Variants in CCNY observed in about 807,000 individuals in gnomAD.
CCNY encodes the protein cyclin Y.
A neutral mutation model predicts 42.8 loss-of-function variants in CCNY; 19 were observed. The observed-to-expected ratio is 0.44, with a 90% CI of 0.31 to 0.65. The LOEUF (loss-of-function observed/expected upper bound fraction) is 0.65, where lower values mean the gene tolerates loss of function less well. CCNY is among the 30% of genes least tolerant of loss of function. The probability of loss-of-function intolerance (pLI) is 0.07; values close to 1 mark genes in which losing one functional copy is unlikely to be tolerated. For missense variants in CCNY, 370 were observed against 437.3 expected (o/e 0.85, Z 1.37); for synonymous variants, 165 against 162.7 (o/e 1.01, Z -0.11).
chr10:35,571,328 G>A lies in CCNY; in HGVS notation c.*2158G>A, dbSNP rs7908891. ...TTTATTAAACTACTTTAAAAAAATT[G>A]TATAGTCTATTTATTGTATGTATGT... On this transcript the variant is annotated 3_prime_UTR_variant, in exon 10 of 10. Transcript: ENST00000374704. The A allele has an allele frequency of 4.5e-4, 68 of 152,388 alleles. No homozygotes were observed. Among genetic ancestry groups the A allele is most frequent in the African/African-American group, 1.6e-3 (66 of 41,556 alleles). 9.4% of individuals were successfully genotyped at this position (152,388 alleles called of 1,614,324 possible).
chr10:35,430,952 A>G (rs988012385), intron 1 of CCNY, among the ~76,000 whole-genome samples: 1 of 151,930 alleles, frequency 6.6e-6, no homozygotes, highest in Non-Finnish European at 1.5e-5. Context: ...CCCCATCTCT[A>G]CTAAAAATAC....
intron 1 of CCNY, among the ~76,000 whole-genome samples, chr10:35,362,340 T>C (rs1190357498): frequency 6.6e-6 from 1 of 152,182 alleles, no homozygotes; most frequent in Non-Finnish European, 1.5e-5. Flanking sequence ...GACAGTTTCA[T>C]GGAGAGAGAG....
rs182029296 is a variant in CCNY at position 35,373,863 on chromosome 10, C to T, written c.154+36656C>T. ...GAGTCAAAAGTTACACACAGATTTTCAACTCCATGAAGGGGTTGTTTCTCC... is the reference window on the plus strand; with the variant it reads ...GAGTCAAAAGTTACACACAGATTTTTAACTCCATGAAGGGGTTGTTTCTCC... On this transcript the variant is annotated intron_variant, in intron 1 of 9. Transcript: ENST00000374704. 5.0e-3 allele frequency among the ~76,000 whole-genome samples: 759 copies of T among 152,294 alleles called. 6 individuals carry two copies. Among genetic ancestry groups the T allele is most frequent in the Middle Eastern group, 0.01 (3 of 294 alleles).
In CCNY at chr10:35,444,352, A is replaced by G. The variant is rs190726371; in HGVS notation, c.155-39052A>G. 6.8e-3 allele frequency among the ~76,000 whole-genome samples: 1,027 copies of G among 150,470 alleles called. 11 individuals are homozygous for G. Among genetic ancestry groups the G allele is most frequent in the African/African-American group, 0.024 (980 of 40,776 alleles). On this transcript the variant is annotated intron_variant, in intron 1 of 9. Transcript: ENST00000374704. ...AACCTCTGCCCCCCGGGTTCAAGCTATTCTCCTGCCTCAGCCTCCCAAGTA... is the reference window on the plus strand; with the variant it reads ...AACCTCTGCCCCCCGGGTTCAAGCTGTTCTCCTGCCTCAGCCTCCCAAGTA...
At chr10:35,328,884 A>G (rs1370861262) in intron 3 of CCNY, among the ~76,000 whole-genome samples, 5 of 152,234 alleles carry the variant, frequency 3.3e-5, no homozygotes, top group Admixed American at 3.3e-4. Context: ...TGTTCTCAGT[A>G]CTGTGCTACA....
At chr10:35,308,771 T>C (rs1290477125) in intron 3 of CCNY, among the ~76,000 whole-genome samples, 2 of 152,110 alleles carry the variant, frequency 1.3e-5, no homozygotes, top group African/African-American at 4.8e-5. Flanking sequence ...GTAGCAGCCA[T>C]GCGGATGTGA....
At chr10:35,465,938 A>AGAGTGTGTGT in intron 1 of CCNY, among the ~76,000 whole-genome samples, 48 of 81,030 alleles carry the variant, frequency 5.9e-4, no homozygotes, top group African/African-American at 1.9e-3. Context: ...AGAGAGAGAG[A>AGAGTGTGTGT]GTGTGTGTGT....
chr10:35,388,460 G>T (rs1837342654), intron 1 of CCNY, among the ~76,000 whole-genome samples: 1 of 152,146 alleles, frequency 6.6e-6, no homozygotes, highest in African/African-American at 2.4e-5. Flanking sequence ...AGATGTTCTG[G>T]GAGCAGGCTG....
intron 8 of CCNY, among the ~76,000 whole-genome samples, chr10:35,554,667 G>A (rs2135452908): frequency 1.3e-5 from 2 of 152,242 alleles, no homozygotes; most frequent in East Asian, 3.9e-4. Context: ...CCAGTGACTT[G>A]GTTTAGGTGG....
At chr10:35,312,380 C>T in intron 3 of CCNY, among the ~76,000 whole-genome samples, 1 of 43,254 alleles carries the variant, frequency 2.3e-5, no homozygotes, top group African/African-American at 1.2e-4. Context: ...GACTCTGTGT[C>T]ACAAAAAAAA....
chr10:35,551,241 C>A (rs1369934265), intron 7 of CCNY, among the ~76,000 whole-genome samples: 1 of 152,166 alleles, frequency 6.6e-6, no homozygotes, highest in Non-Finnish European at 1.5e-5. Context: ...AAAGTTCAGC[C>A]GCCTCCTCAA....
intron 4 of CCNY, among the ~76,000 whole-genome samples, chr10:35,522,460 C>T (rs1043341933): frequency 3.3e-5 from 5 of 152,170 alleles, no homozygotes; most frequent in African/African-American, 1.2e-4. Context: ...CTGGGAGCTG[C>T]CTTTAGAGGA....
At chr10:35,435,453 C>T (rs1473488574) in intron 1 of CCNY, among the ~76,000 whole-genome samples, 1 of 152,164 alleles carries the variant, frequency 6.6e-6, no homozygotes, top group African/African-American at 2.4e-5. Context: ...TGGGTCATAT[C>T]GGGCTGTCTC....
rs562896031 is a variant in CCNY, at chr10:35,439,154, T to A, written c.155-44250T>A. Reference sequence around the variant, plus strand: ...CTTGGGTTTCTGTTTCTTGCCAAATTTGGGAACTTTTCAGCTGTTATTTCT... The same window carrying A: ...CTTGGGTTTCTGTTTCTTGCCAAATATGGGAACTTTTCAGCTGTTATTTCT... On this transcript the variant is annotated intron_variant, in intron 1 of 9. Transcript: ENST00000374704. Among the ~76,000 whole-genome samples, 23 of 152,338 alleles carry A rather than the reference T, an allele frequency of 1.5e-4. No homozygotes were observed. The South Asian group carries it at 4.6e-3, about 30-fold the overall frequency.
intron 1 of CCNY, among the ~76,000 whole-genome samples, chr10:35,431,127 A>AT (rs1838385705): frequency 6.6e-6 from 1 of 152,034 alleles, no homozygotes. Flanking sequence ...AAAAAAAAAA[A>AT]AAATTAATAC....
chr10:35,438,149 CTTT>C (rs375497545), intron 1 of CCNY, among the ~76,000 whole-genome samples: 1 of 137,680 alleles, frequency 7.3e-6, no homozygotes, highest in African/African-American at 2.7e-5. Context: ...CTTCAGAGTT[CTTT>C]TTTTTTTTTT....
At chr10:35,490,366 T>G (rs1839871817) in intron 2 of CCNY, among the ~76,000 whole-genome samples, 1 of 152,258 alleles carries the variant, frequency 6.6e-6, no homozygotes, top group Non-Finnish European at 1.5e-5. Context: ...TCTTACCTTC[T>G]GTGAGAAAAA....
Position 35,325,904 on chromosome 10 carries a change from C to T in CCNY, c.-9+75278C>T, listed in dbSNP as rs182312348. Among the ~76,000 whole-genome samples, 852 of 151,990 alleles carry T rather than the reference C, an allele frequency of 5.6e-3. 2 individuals are homozygous for T. The highest frequency in any genetic ancestry group is 0.019 in the African/African-American group (796 of 41,472). On this transcript the variant is annotated intron_variant, in intron 3 of 11. Coordinates refer to the CCNY transcript ENST00000374706. ...GACCAGCCTGGGCAACATAGCAAGA[C>T]GCCATCTCTTAAAAAAAAATTAGCT...
chr10:35,295,219 C>T (rs182236572), intron 3 of CCNY, among the ~76,000 whole-genome samples: 1,788 of 143,236 alleles, frequency 0.012, 44 homozygotes, highest in African/African-American at 0.044. Flanking sequence ...AATAAGTTAT[C>T]CCCTATAATA....
Sources: gnomAD v4.1 joint callset for allele counts (sites outside exome capture counted in the v4.1 genomes callset) on GRCh38, gnomAD v4.1.1 for gene constraint, MANE v1.5 for transcripts, NCBI Gene and HGNC (gene_info 2026-07-23, HGNC 2026-07-21) for gene names.